PIWIL1: variants seen among roughly 807,000 people sequenced by gnomAD.
The protein encoded by PIWIL1 is piwi like RNA-mediated gene silencing 1, also known as piwi-like protein 1.
PIWIL1 carries 73 observed loss-of-function variants against 114.4 expected under a neutral mutation model. The observed-to-expected ratio is 0.64, with a 90% confidence interval of 0.53 to 0.78. The LOEUF (loss-of-function observed/expected upper bound fraction) is 0.78. Ranked by LOEUF, PIWIL1 falls within the 30% of genes least tolerant of loss-of-function variation. The probability of loss-of-function intolerance (pLI) is 0.00; values close to 1 mark genes in which losing one functional copy is unlikely to be tolerated. For missense variants in PIWIL1, 723 were observed against 1,063.1 expected (o/e 0.68, Z 4.45); for synonymous variants, 375 against 369.0 (o/e 1.02, Z -0.19).
At chr12:130,412,874 C>A in the PIWIL1 span, 1 of 1,213,202 alleles carries the variant, frequency 8.2e-7, no homozygotes, top group South Asian at 1.7e-5. Flanking sequence ...TGAGTGTAGT[C>A]GAAAATATAT....
the PIWIL1 span, among the ~76,000 whole-genome samples, chr12:130,416,284 G>T: frequency 6.6e-6 from 1 of 152,102 alleles, no homozygotes; most frequent in African/African-American, 2.4e-5. Flanking sequence ...TTAAGCAAAA[G>T]GAACAAATCC....
the PIWIL1 span, among the ~76,000 whole-genome samples, chr12:130,401,375 C>T: frequency 6.6e-6 from 1 of 152,120 alleles, no homozygotes; most frequent in East Asian, 1.9e-4. Context: ...CTCAGCCTTC[C>T]AAAGTGCTGG....
the PIWIL1 span, among the ~76,000 whole-genome samples, chr12:130,415,923 A>G: frequency 6.6e-6 from 1 of 152,108 alleles, no homozygotes. Flanking sequence ...GTTCAAGCTG[A>G]GAGCCAAATC....
intron 19 of PIWIL1, among the ~76,000 whole-genome samples, chr12:130,370,058 C>T (rs1056062546): frequency 1.3e-5 from 2 of 152,178 alleles, no homozygotes; most frequent in African/African-American, 4.8e-5. Flanking sequence ...CTGAACAAGT[C>T]ATTTAACATT....
chr12:130,354,468 C>T (rs970085065), intron 9 of PIWIL1, 69 bp from the exon 10 acceptor site: 7 of 1,590,490 alleles, frequency 4.4e-6, no homozygotes, highest in African/African-American at 1.4e-5. Context: ...AAAATGAAAC[C>T]CTTTTTGCCC....
At chr12:130,423,511 C>G in the PIWIL1 span, among the ~76,000 whole-genome samples, 222 of 152,136 alleles carry the variant, frequency 1.5e-3, 1 homozygote, top group Non-Finnish European at 1.4e-3. Context: ...TGAATGAAGC[C>G]TTCAATGAAT....
chr12:130,379,328 T>C, the PIWIL1 span, among the ~76,000 whole-genome samples: 3 of 152,248 alleles, frequency 2.0e-5, no homozygotes, highest in Admixed American at 6.5e-5. Context: ...TTTTTTCTTA[T>C]TGAAATTCAA....
chr12:130,346,780 A>G (rs372381822), intron 5 of PIWIL1, among the ~76,000 whole-genome samples, 161 bp from the exon 6 acceptor site: 4 of 152,230 alleles, frequency 2.6e-5, no homozygotes, highest in African/African-American at 9.6e-5. Context: ...CAATTGAGTT[A>G]TAATACACTT....
At position 130,361,532 on chromosome 12, in the gene PIWIL1, A is replaced by G; in HGVS notation, c.1901A>G (p.Tyr634Cys). The G allele has an allele frequency of 6.2e-7, 1 of 1,614,228 alleles. No individual in the cohort carries two copies. Among genetic ancestry groups the G allele is most frequent in the Non-Finnish European group, 8.5e-7 (1 of 1,180,044 alleles). Residue 634 changes from tyrosine to cysteine, a missense_variant, in exon 16 of 21, where the codon TAC becomes TGC. Coordinates refer to ENST00000245255, the MANE Select transcript of PIWIL1 (RefSeq NM_004764.5). ...KLVMIVGIDC[Y>C]HDMTAGRRSI... ...GTGATGATCGTTGGCATCGATTGTTACCATGACATGACAGCTGGGCGGAGG... is the reference window on the plus strand; with the variant it reads ...GTGATGATCGTTGGCATCGATTGTTGCCATGACATGACAGCTGGGCGGAGG...
At chr12:130,402,089 C>G in the PIWIL1 span, among the ~76,000 whole-genome samples, 1 of 152,344 alleles carries the variant, frequency 6.6e-6, no homozygotes, top group African/African-American at 2.4e-5. Context: ...AAATCCACGT[C>G]AGAACGCACA....
chr12:130,400,122 C>T, the PIWIL1 span, among the ~76,000 whole-genome samples: 1 of 152,146 alleles, frequency 6.6e-6, no homozygotes, highest in African/African-American at 2.4e-5. Flanking sequence ...CTTGGCAGAT[C>T]TCATTTAGTG....
At chr12:130,365,071 G>T (rs1398117162) in intron 18 of PIWIL1, among the ~76,000 whole-genome samples, 3 of 152,184 alleles carry the variant, frequency 2.0e-5, no homozygotes, top group Non-Finnish European at 4.4e-5. Context: ...GAGTACCTGT[G>T]CACAGTCGTC....
chr12:130,404,459 G>A, the PIWIL1 span, among the ~76,000 whole-genome samples: 1 of 152,024 alleles, frequency 6.6e-6, no homozygotes, highest in South Asian at 2.1e-4. Flanking sequence ...CACCACGCCC[G>A]GCTAATTCTT....
the PIWIL1 span, among the ~76,000 whole-genome samples, chr12:130,417,689 T>C: frequency 6.6e-6 from 1 of 152,246 alleles, no homozygotes; most frequent in Non-Finnish European, 1.5e-5. Context: ...ACTATACCCA[T>C]GTAACAGACC....
chr12:130,361,261 A>C lies in PIWIL1; in HGVS notation c.1747A>C (p.Ser583Arg), dbSNP rs997741809. The change falls in exon 15 of 21, where the codon AGT becomes CGT. Residue 583 changes from serine to arginine, a missense_variant. Coordinates refer to ENST00000245255, the MANE Select transcript of PIWIL1 (RefSeq NM_004764.5). ...CCTGTGTACAGATTGCCCTACCCCA[A>C]GTCAGTGTGTGGTGGCCCGAACCTT... ...KYLCTDCPTP[S>R]QCVVARTLGK... The C allele has an allele frequency of 6.2e-7, 1 of 1,614,054 alleles. No homozygotes were observed. Among genetic ancestry groups the C allele is most frequent in the African/African-American group, 1.3e-5 (1 of 74,918 alleles).
intron 18 of PIWIL1, among the ~76,000 whole-genome samples, chr12:130,365,818 C>G (rs956706497): frequency 6.6e-6 from 1 of 152,224 alleles, no homozygotes; most frequent in Admixed American, 6.5e-5. Context: ...CTATGCTGAA[C>G]TTAATCTCTG....
At chr12:130,350,840 A>G (rs189558952) in intron 9 of PIWIL1, among the ~76,000 whole-genome samples, 4 of 152,298 alleles carry the variant, frequency 2.6e-5, no homozygotes, top group South Asian at 2.1e-4. Context: ...TTGCATGGAA[A>G]GTATGCATCT....
intron 1 of PIWIL1, among the ~76,000 whole-genome samples, chr12:130,341,012 T>G (rs145232537): frequency 6.6e-6 from 1 of 152,320 alleles, no homozygotes; most frequent in African/African-American, 2.4e-5. Context: ...GATTTATCTT[T>G]CTGTGAAGAT....
the PIWIL1 span, chr12:130,422,353 C>T: frequency 3.9e-5 from 27 of 698,110 alleles, no homozygotes; most frequent in Middle Eastern, 4.1e-4. This position sits in a 1 kb window ranked among gnomAD's most constrained non-coding sequence, Gnocchi z 5.2. Context: ...CTTTGCTTAG[C>T]GGAAAATGCT....
Sources: gnomAD v4.1 joint callset for allele counts (sites outside exome capture counted in the v4.1 genomes callset) on GRCh38, gnomAD v4.1.1 for gene constraint, Gnocchi (gnomAD v3.1) non-coding constraint, MANE v1.5 for transcripts, NCBI Gene and HGNC (gene_info 2026-07-23, HGNC 2026-07-21) for gene names.